CSMD1: variants seen among roughly 807,000 people sequenced by gnomAD.
The protein encoded by CSMD1 is CUB and Sushi multiple domains 1.
A neutral mutation model predicts 417.5 loss-of-function variants in CSMD1; 213 were observed. The observed-to-expected ratio is 0.51, with a 90% CI of 0.46 to 0.57. The LOEUF is 0.57. CSMD1 is among the 20% of genes least tolerant of loss of function. The pLI is 0.00. For synonymous variants in CSMD1, 2,862 were observed against 1,736.8 expected, an observed-to-expected ratio of 1.65 and a Z score of -16.11; for missense variants, 6,923 against 4,529.7, an observed-to-expected ratio of 1.53 and a Z score of -15.17.
intron 3 of CSMD1, among the ~76,000 whole-genome samples, chr8:4,082,825 T>G (rs1328405988): frequency 7.2e-6 from 1 of 139,644 alleles, no homozygotes; most frequent in African/African-American, 2.7e-5. Flanking sequence ...CCATGCATTC[T>G]CATTATTCAA....
chr8:3,296,780 G>C (rs1040884738), intron 25 of CSMD1, among the ~76,000 whole-genome samples: 2 of 152,132 alleles, frequency 1.3e-5, no homozygotes, highest in African/African-American at 2.4e-5. Flanking sequence ...AAGTGGAGTT[G>C]TCATCCAGTG....
At chr8:4,106,961 G>A (rs1220042856) in intron 3 of CSMD1, among the ~76,000 whole-genome samples, 1 of 152,190 alleles carries the variant, frequency 6.6e-6, no homozygotes, top group East Asian at 1.9e-4. Context: ...ACAGGGAGAA[G>A]CTCTACGTCA....
chr8:4,007,949 C>T (rs950021133), intron 4 of CSMD1, among the ~76,000 whole-genome samples: 5 of 152,038 alleles, frequency 3.3e-5, no homozygotes, highest in East Asian at 1.9e-4. Context: ...CTTAATAGAG[C>T]GAAATTTCAG....
intron 3 of CSMD1, among the ~76,000 whole-genome samples, chr8:4,129,929 T>C (rs903107938): frequency 6.6e-6 from 1 of 152,324 alleles, no homozygotes; most frequent in Middle Eastern, 3.4e-3. Context: ...TTAACAATTA[T>C]ATATTTAAGT....
chr8:4,077,958 C>T (rs1799921892), intron 3 of CSMD1, among the ~76,000 whole-genome samples: 2 of 152,140 alleles, frequency 1.3e-5, no homozygotes, highest in Admixed American at 1.3e-4. Flanking sequence ...ACTCGCCCTG[C>T]ATGTGTGTCC....
chr8:4,058,886 G>T (rs1381186613), intron 3 of CSMD1, among the ~76,000 whole-genome samples: 1 of 147,580 alleles, frequency 6.8e-6, no homozygotes, highest in East Asian at 1.9e-4. Flanking sequence ...AGATCAACGA[G>T]AGAGAAAGTT....
chr8:4,935,821 G>C (rs1162529402), intron 1 of CSMD1, among the ~76,000 whole-genome samples: 1 of 152,194 alleles, frequency 6.6e-6, no homozygotes. Context: ...GAGAGTGCTC[G>C]GCCTGCTGTT....
In CSMD1 at chr8:4,138,761, C is replaced by T. The variant is rs139301134; in HGVS notation, c.416-106662G>A. ...GAAAAATACTAAACCAACTAGTTAT[C>T]TTTAATTATCAGAATACACTATGAA... On this transcript the variant is annotated intron_variant, in intron 3 of 69. Coordinates refer to ENST00000635120, the MANE Select transcript of CSMD1 (RefSeq NM_033225.6). Among the ~76,000 whole-genome samples, 754 of 152,180 alleles carry T rather than the reference C, an allele frequency of 5.0e-3. 7 individuals are homozygous for T. Among genetic ancestry groups the T allele is most frequent in the African/African-American group, 0.017 (718 of 41,524 alleles).
rs536965901 is a variant in CSMD1 at position 3,915,515 on chromosome 8, C to T, written c.818+82388G>A. 2.2e-4 allele frequency among the ~76,000 whole-genome samples: 34 copies of T among 151,174 alleles called. No individual in the cohort carries two copies. In the South Asian group the frequency reaches 5.0e-3, roughly 22 times the overall value. On this transcript the variant is annotated intron_variant, in intron 5 of 69. Coordinates refer to ENST00000635120, the MANE Select transcript of CSMD1 (RefSeq NM_033225.6). Reference sequence around the variant, plus strand: ...TGACATGAAACAGGACATTACTGGGCTTTGTTGATCATACGATCAAATTCT... The same window carrying T: ...TGACATGAAACAGGACATTACTGGGTTTTGTTGATCATACGATCAAATTCT...
intron 3 of CSMD1, among the ~76,000 whole-genome samples, chr8:4,374,167 G>C (rs140013965): frequency 6.6e-6 from 1 of 152,024 alleles, no homozygotes; most frequent in Non-Finnish European, 1.5e-5. Context: ...TCCCCTTTTA[G>C]ATCCCCCCTC....
chr8:4,327,603 T>C (rs1799632514), intron 3 of CSMD1, among the ~76,000 whole-genome samples: 1 of 151,862 alleles, frequency 6.6e-6, no homozygotes, highest in South Asian at 2.1e-4. Context: ...TGTTACCAAG[T>C]CAGAAAGGGG....
intron 2 of CSMD1, among the ~76,000 whole-genome samples, chr8:4,472,219 T>C (rs1211172089): frequency 2.6e-5 from 4 of 152,196 alleles, no homozygotes; most frequent in African/African-American, 9.6e-5. Context: ...ATCTCAAAAA[T>C]TATTTTAAAA....
At chr8:3,539,763 TAAA>T (rs33938448) in intron 10 of CSMD1, among the ~76,000 whole-genome samples, 2,378 of 129,744 alleles carry the variant, frequency 0.018, 55 homozygotes, top group African/African-American at 0.06. Flanking sequence ...TTCTTTATGA[TAAA>T]AAAAAAAAAA....
chr8:3,738,176 C>A (rs1438259046), intron 6 of CSMD1, among the ~76,000 whole-genome samples: 2 of 152,110 alleles, frequency 1.3e-5, no homozygotes, highest in Non-Finnish European at 2.9e-5. Context: ...GCCCTTTGAT[C>A]TATACATTTA....
chr8:4,409,514 A>G (rs1016836441), intron 3 of CSMD1, among the ~76,000 whole-genome samples: 1 of 152,166 alleles, frequency 6.6e-6, no homozygotes, highest in Non-Finnish European at 1.5e-5. Flanking sequence ...TGTAACCCTA[A>G]CCAAAATATG....
At chr8:4,563,934 T>A (rs552325317) in intron 2 of CSMD1, among the ~76,000 whole-genome samples, 1 of 152,314 alleles carries the variant, frequency 6.6e-6, no homozygotes, top group African/African-American at 2.4e-5. Context: ...TTCCACAGAA[T>A]AAATTCCAGC....
chr8:3,377,400 G>A (rs948060550), intron 18 of CSMD1, among the ~76,000 whole-genome samples: 2 of 152,080 alleles, frequency 1.3e-5, no homozygotes, highest in African/African-American at 4.8e-5. Flanking sequence ...TCCTTCGAAA[G>A]GTTTAAATCT....
chr8:4,071,891 C>T (rs973075559), intron 3 of CSMD1, among the ~76,000 whole-genome samples: 2 of 152,172 alleles, frequency 1.3e-5, no homozygotes, highest in East Asian at 1.9e-4. Context: ...CATTTGGAAT[C>T]TGCTCCACTT....
chr8:4,792,077 T>C (rs1245922790), intron 1 of CSMD1, among the ~76,000 whole-genome samples: 1 of 152,180 alleles, frequency 6.6e-6, no homozygotes, highest in Non-Finnish European at 1.5e-5. Context: ...GTTTTAACTT[T>C]AATTCTTTCT....
Sources: allele counts gnomAD v4.1 joint callset (sites outside exome capture counted in the v4.1 genomes callset), GRCh38; gene constraint gnomAD v4.1.1; transcripts MANE v1.5; gene names NCBI Gene and HGNC (gene_info 2026-07-23, HGNC 2026-07-21).